MID1: variants seen among roughly 807,000 people sequenced by gnomAD.
MID1 encodes midline 1, also known as E3 ubiquitin-protein ligase Midline-1.
In MID1, 7 loss-of-function variants were observed where a neutral mutation model predicts 40.4. That is an observed-to-expected ratio of 0.17 (90% CI 0.10 to 0.33). The LOEUF is 0.33. MID1 is among the 10% of genes least tolerant of loss of function. The pLI is 1.00. For synonymous variants in MID1, 229 were observed against 221.2 expected (o/e 1.04, Z -0.31); for missense variants, 367 against 558.5 (o/e 0.66, Z 3.46).
At chrX:10,551,561 A>G (rs1383400842) in intron 2 of MID1, among the ~76,000 whole-genome samples, 2 of 111,706 alleles carry the variant, frequency 1.8e-5, no homozygotes, top group East Asian at 5.6e-4. Context: ...GGCAACTTCT[A>G]CCTACACAAT....
chrX:10,533,717 A>C (rs756892858), intron 2 of MID1, among the ~76,000 whole-genome samples: 1 of 112,113 alleles, frequency 8.9e-6, no homozygotes, highest in Non-Finnish European at 1.9e-5. Flanking sequence ...AAGATGTCTT[A>C]AATTATGGAT....
chrX:10,531,443 G>A (rs1932969715), intron 2 of MID1, among the ~76,000 whole-genome samples: 1 of 111,598 alleles, frequency 9.0e-6, no homozygotes, highest in Admixed American at 9.5e-5. Context: ...AGGCCGCCGA[G>A]GGAACTTCAA....
At chrX:10,758,483 C>CGTTTTTTTTTTTT (rs2043650475) in intron 1 of MID1, among the ~76,000 whole-genome samples, 1 of 63,873 alleles carries the variant, frequency 1.6e-5, no homozygotes, top group African/African-American at 7.8e-5. Flanking sequence ...CTTTTCTTTC[C>CGTTTTTTTTTTTT]TTTTTTTTTT....
At chrX:10,750,597 C>T (rs1196139138) in intron 1 of MID1, among the ~76,000 whole-genome samples, 3 of 110,173 alleles carry the variant, frequency 2.7e-5, no homozygotes, top group Non-Finnish European at 1.9e-5. Context: ...CGCCACTGCA[C>T]TCCAGCCTGG....
chrX:10,727,190 C>G (rs1003171677), intron 1 of MID1, among the ~76,000 whole-genome samples: 2 of 112,599 alleles, frequency 1.8e-5, no homozygotes, highest in African/African-American at 6.5e-5. Flanking sequence ...TCTCAGCTCA[C>G]TACAACCTCC....
intron 1 of MID1, among the ~76,000 whole-genome samples, chrX:10,767,026 G>C (rs773957509): frequency 6.1e-4 from 68 of 111,502 alleles, no homozygotes; most frequent in African/African-American, 2.0e-3. Context: ...ACCTGGGTGA[G>C]AGCAGCCTCT....
intron 1 of MID1, among the ~76,000 whole-genome samples, chrX:10,625,838 A>T (rs894969926): frequency 2.1e-4 from 23 of 111,918 alleles, no homozygotes; most frequent in African/African-American, 6.8e-4. Flanking sequence ...TAAGAAAGAT[A>T]AGTCAATGGG....
At position 10,707,164 on chromosome X, in the gene MID1, C is replaced by T. The variant is rs765767562; in HGVS notation, c.-186-86745G>A. 2.1e-3 allele frequency among the ~76,000 whole-genome samples: 240 copies of T among 111,989 alleles called. 1 individual carries two copies. The highest frequency in any genetic ancestry group is 7.4e-3 in the African/African-American group (229 of 30,890). ...TTATTTCTTGTTCATGCAATAGTCC[C>T]ACATGGATGATCCTGGTTTTTCAGG... On this transcript the variant is annotated intron_variant, in intron 1 of 10. Coordinates refer to the MID1 transcript ENST00000380785.
At chrX:10,548,835 T>C (rs945501301) in intron 2 of MID1, among the ~76,000 whole-genome samples, 1 of 112,292 alleles carries the variant, frequency 8.9e-6, no homozygotes, top group African/African-American at 3.2e-5. Context: ...CTCTAGCTAT[T>C]AGATATAATT....
intron 2 of MID1, among the ~76,000 whole-genome samples, chrX:10,527,264 T>C (rs1157181939): frequency 6.3e-5 from 7 of 111,491 alleles, no homozygotes. Flanking sequence ...AGGCAAGTTT[T>C]GTAGAAATCC....
chrX:10,765,922 A>AG (rs1482111892), intron 1 of MID1, among the ~76,000 whole-genome samples: 14 of 97,877 alleles, frequency 1.4e-4, no homozygotes, highest in Middle Eastern at 0.01. Flanking sequence ...AAAGAAAGAA[A>AG]GAAAGGAAAG....
chrX:10,493,618 T>C (rs1449441452), intron 4 of MID1, among the ~76,000 whole-genome samples: 4 of 112,023 alleles, frequency 3.6e-5, no homozygotes, highest in African/African-American at 6.5e-5. Context: ...ATCTATTGCA[T>C]GGCATGGTGA....
intron 1 of MID1, among the ~76,000 whole-genome samples, chrX:10,738,310 T>C (rs188453119): frequency 1.3e-3 from 144 of 111,498 alleles, no homozygotes; most frequent in Non-Finnish European, 2.3e-3. Flanking sequence ...AAAGTAGAGG[T>C]TGTAATCCTA....
rs377593388 is a variant in MID1 at position 10,765,855 on chromosome X, TATC to T, written c.-187+67696_-187+67698del. ...TTCATCTAGGAAGTATGCTGTCTAA[TATC>T]ATGGATGCTAAAAGACAAAAAGAAA... On this transcript the variant is annotated intron_variant, in intron 1 of 10. Coordinates refer to the MID1 transcript ENST00000380785. Among the ~76,000 whole-genome samples, 610 of 102,979 alleles carry T rather than the reference TATC, an allele frequency of 5.9e-3. 4 individuals carry two copies. Among genetic ancestry groups the T allele is most frequent in the African/African-American group, 0.02 (574 of 28,059 alleles). 89.4% of individuals were successfully genotyped at this position (102,979 alleles called of 115,157 possible). A position where few individuals can be genotyped will look rare whatever the true frequency, so the allele number is the denominator to read the frequency against.
chrX:10,541,309 C>T (rs908144362), intron 2 of MID1, among the ~76,000 whole-genome samples: 2 of 111,697 alleles, frequency 1.8e-5, no homozygotes, highest in Non-Finnish European at 3.8e-5. Context: ...ACAGAAATCA[C>T]CAGTTCAGGT....
intron 1 of MID1, among the ~76,000 whole-genome samples, chrX:10,751,501 C>A (rs2043598493): frequency 9.1e-6 from 1 of 109,591 alleles, no homozygotes; most frequent in Non-Finnish European, 1.9e-5. Flanking sequence ...ATTAGCTGGG[C>A]ATGCCTGTGG....
chrX:10,737,810 G>C (rs2043497239), intron 1 of MID1, among the ~76,000 whole-genome samples: 1 of 110,781 alleles, frequency 9.0e-6, no homozygotes, highest in Admixed American at 9.6e-5. Flanking sequence ...AGTAGAAAGG[G>C]ACCAGAGAGA....
intron 1 of MID1, among the ~76,000 whole-genome samples, chrX:10,702,363 C>T (rs1451484911): frequency 1.8e-5 from 2 of 111,793 alleles, no homozygotes; most frequent in South Asian, 3.7e-4. Context: ...GTGAGAAGAA[C>T]GTTTAGTATA....
intron 1 of MID1, among the ~76,000 whole-genome samples, chrX:10,801,118 C>T (rs1252650963): frequency 1.8e-5 from 2 of 110,478 alleles, no homozygotes; most frequent in African/African-American, 6.6e-5. Context: ...AAAAAAAATT[C>T]TGGCCCAATT....
Sources: gnomAD v4.1 joint callset for allele counts (sites outside exome capture counted in the v4.1 genomes callset) on GRCh38, gnomAD v4.1.1 for gene constraint, MANE v1.5 for transcripts, NCBI Gene and HGNC (gene_info 2026-07-23, HGNC 2026-07-21) for gene names.